WNK1: variants seen among roughly 807,000 people sequenced by gnomAD.
WNK1 encodes WNK lysine deficient protein kinase 1.
Under a neutral mutation model 222.8 loss-of-function variants are expected in WNK1, and 38 were observed. That is an observed-to-expected ratio of 0.17 (90% CI 0.13 to 0.22). The LOEUF (loss-of-function observed/expected upper bound fraction) is 0.22. WNK1 is among the 10% of genes least tolerant of loss of function. The pLI, the probability that WNK1 is intolerant of heterozygous loss-of-function variation, is 1.00. For synonymous variants in WNK1, 1,090 were observed against 1,092.9 expected, an observed-to-expected ratio of 1.00 and a Z score of 0.05; for missense variants, 2,348 against 2,918.4, an observed-to-expected ratio of 0.80 and a Z score of 4.50.
At chr12:898,058 C>A (rs966976571) in intron 25 of WNK1, among the ~76,000 whole-genome samples, 3 of 152,144 alleles carry the variant, frequency 2.0e-5, no homozygotes. Context: ...TGGGTAGATT[C>A]TTTGTTTTAA....
chr12:820,182 C>T (rs757485420), intron 2 of WNK1, among the ~76,000 whole-genome samples: 1 of 152,142 alleles, frequency 6.6e-6, no homozygotes, highest in Non-Finnish European at 1.5e-5. Flanking sequence ...ATATTGTCTT[C>T]TAATCCGTGA....
rs775050259 is a variant in WNK1 at position 884,688 on chromosome 12, C to G, written c.3884C>G (p.Ser1295Cys). The change falls in exon 19 of 28, where the codon TCT (serine) becomes TGT (cysteine). Residue 1295 changes from serine to cysteine, a missense_variant. By Grantham distance (112) the Ser-to-Cys change is moderately radical. Transcript: ENST00000315939. The surrounding 1 kb of genome is among the most constrained non-coding windows in gnomAD (Gnocchi z 5.6). ...STAQSPGMNL[S>C]HSASSLSLQQ... ...GCTCAGAGCCCTGGAATGAACTTGTCTCACTCTGCATCATCCCTTAGTCTA... is the reference window on the plus strand; with the variant it reads ...GCTCAGAGCCCTGGAATGAACTTGTGTCACTCTGCATCATCCCTTAGTCTA... 1.2e-6 allele frequency: 2 copies of G among 1,614,076 alleles called. No homozygotes were observed. Among genetic ancestry groups the G allele is most frequent in the Non-Finnish European group, 1.7e-6 (2 of 1,180,036 alleles).
At chr12:869,463 T>G (rs1362386369) in intron 8 of WNK1, among the ~76,000 whole-genome samples, 4 of 152,190 alleles carry the variant, frequency 2.6e-5, no homozygotes, top group African/African-American at 9.6e-5. Context: ...ATACAAATCT[T>G]AAGTATTACT....
chr12:804,441 CA>C (rs1946162784), intron 1 of WNK1, among the ~76,000 whole-genome samples: 2 of 150,404 alleles, frequency 1.3e-5, no homozygotes, highest in Admixed American at 6.6e-5. Context: ...GGCGCGATCT[CA>C]GCTCACTGCA....
chr12:898,576 A>G (rs1038958238), intron 25 of WNK1, among the ~76,000 whole-genome samples: 2 of 151,610 alleles, frequency 1.3e-5, no homozygotes, highest in African/African-American at 4.8e-5. Flanking sequence ...ATATATATTT[A>G]TTTATTTTAA....
chr12:866,812 G>A (rs180978648), intron 8 of WNK1, among the ~76,000 whole-genome samples: 1 of 152,284 alleles, frequency 6.6e-6, no homozygotes, highest in Non-Finnish European at 1.5e-5. Context: ...TAGAACACCA[G>A]GATGTCAGAA....
At chr12:835,724 TG>T (rs1239262705) in intron 4 of WNK1, among the ~76,000 whole-genome samples, 1 of 152,042 alleles carries the variant, frequency 6.6e-6, no homozygotes, top group African/African-American at 2.4e-5. Flanking sequence ...AGGCCAAGAC[TG>T]GGGGATCACT....
intron 26 of WNK1, chr12:904,641 T>G: frequency 3.8e-6 from 2 of 526,236 alleles, no homozygotes; most frequent in Non-Finnish European, 6.3e-6. Context: ...CATGCTTAAT[T>G]GAGAAATCAT....
Position 885,367 on chromosome 12 carries a change from C to A in WNK1, c.4563C>A (p.Thr1521=), listed in dbSNP as rs749432947. 3 of 1,613,724 alleles carry A rather than the reference C, an allele frequency of 1.9e-6. No homozygotes were observed. In the African/African-American group the frequency reaches 4.0e-5, roughly 22 times the overall value. Residue 1521 remains threonine (T), a synonymous_variant, in exon 19 of 28, where the codon ACC becomes ACA. Transcript: ENST00000315939. ...SSTSTPTLAE[T]VVVSAHSLDK... The stretch of plus-strand genomic sequence containing the variant: ...CTTCTACTCCTACTTTAGCTGAAAC[C>A]GTGGTAGTTAGCGCACACTCACTAG...
At chr12:902,381 C>T (rs1022923864) in intron 26 of WNK1, among the ~76,000 whole-genome samples, 1 of 151,988 alleles carries the variant, frequency 6.6e-6, no homozygotes, top group East Asian at 1.9e-4. Flanking sequence ...AATTATGTAC[C>T]ATTTTTTTCC....
chr12:771,049 G>A (rs1423949324), intron 1 of WNK1, among the ~76,000 whole-genome samples: 3 of 152,054 alleles, frequency 2.0e-5, no homozygotes, highest in Non-Finnish European at 4.4e-5. Context: ...CCAGGCTGGA[G>A]TGCAGTGGTG....
chr12:901,790 A>C (rs1955283015), intron 26 of WNK1: 1 of 322,770 alleles, frequency 3.1e-6, no homozygotes, highest in Non-Finnish European at 5.7e-6. Context: ...TTACCCTCAG[A>C]AGTTTGGGCC....
At chr12:871,209 T>C in intron 8 of WNK1, 56 bp from the exon 9 acceptor site, 1 of 1,509,454 alleles carries the variant, frequency 6.6e-7, no homozygotes, top group South Asian at 1.1e-5. Context: ...AAGCCTGACC[T>C]CTATACACTT....
chr12:908,037 A>AAG lies in WNK1; in HGVS notation c.6831+4_6831+5dup. The AAG allele has an allele frequency of 6.2e-7, 1 of 1,613,988 alleles. No individual in the cohort carries two copies. The highest frequency in any genetic ancestry group is 8.5e-7 in the Non-Finnish European group (1 of 1,180,002). Reference sequence around the variant, plus strand: ...GCAAAGGGCACATGAATTACGAGGTAAGTCTCTCTTTTGCCGCAGAGAATC... The same window carrying AAG: ...GCAAAGGGCACATGAATTACGAGGTAAGAGTCTCTCTTTTGCCGCAGAGAATC... On this transcript the variant is annotated splice_donor_region_variant and intron_variant, in intron 27 of 27. Coordinates refer to ENST00000315939, the MANE Select transcript of WNK1 (RefSeq NM_018979.4).
chr12:886,038 T>A lies in WNK1; in HGVS notation c.5234T>A (p.Val1745Glu). The change falls in exon 19 of 28, where the codon GTG becomes GAG. Residue 1745 changes from valine (V) to glutamate (E), a missense_variant. Val to Glu is a moderately radical substitution (Grantham distance 121). This residue lies in a region of WNK1 where 1,144 missense variants were observed against 1,273.6 expected (regional missense o/e 0.90). Transcript: ENST00000315939. Reference sequence around the variant, plus strand: ...CCAGTCAGCACTACTACATCAGGAGTGAAACCTGGAACTGCTCCCTCCAAG... The same window carrying A: ...CCAGTCAGCACTACTACATCAGGAGAGAAACCTGGAACTGCTCCCTCCAAG... ...STPVSTTTSGVKPGTAPSKPP... is the reference protein window; with the variant it reads ...STPVSTTTSGEKPGTAPSKPP... 1 of 1,600,908 alleles carries A rather than the reference T, an allele frequency of 6.2e-7. No individual in the cohort carries two copies. The highest frequency in any genetic ancestry group is 8.5e-7 in the Non-Finnish European group (1 of 1,176,062).
Position 827,324 on chromosome 12 carries a change from C to A in WNK1, c.1153+62C>A. On this transcript the variant is annotated intron_variant, in intron 3 of 27. Coordinates refer to ENST00000315939, the MANE Select transcript of WNK1 (RefSeq NM_018979.4). This position sits in a 1 kb window ranked among gnomAD's most constrained non-coding sequence, Gnocchi z 4.6. ...TCTCACATTCCTTTTATTTAGAATCCTGGCTCTGTCAGAGTTTTAAGTGAT... is the reference window on the plus strand; with the variant it reads ...TCTCACATTCCTTTTATTTAGAATCATGGCTCTGTCAGAGTTTTAAGTGAT... 1 of 1,440,704 alleles carries A rather than the reference C, an allele frequency of 6.9e-7. No individual in the cohort carries two copies. Among genetic ancestry groups the A allele is most frequent in the Non-Finnish European group, 9.8e-7 (1 of 1,023,032 alleles). 89.2% of individuals were successfully genotyped at this position (1,440,704 alleles called of 1,614,324 possible). A position where few individuals can be genotyped will look rare whatever the true frequency, so the allele number is the denominator to read the frequency against.
intron 10 of WNK1, 96 bp from the exon 11 acceptor site, chr12:879,477 T>TTGGG: frequency 6.4e-6 from 5 of 782,208 alleles, no homozygotes; most frequent in Non-Finnish European, 5.8e-6. Flanking sequence ...TTCCTTCTTT[T>TTGGG]TGGCTAATAC....
intron 8 of WNK1, chr12:868,541 C>A (rs760125099): frequency 1.2e-6 from 2 of 1,613,858 alleles, no homozygotes; most frequent in Non-Finnish European, 1.7e-6. Context: ...AGATGCTACA[C>A]GTTTGAAATT....
Position 808,276 on chromosome 12 carries a change from G to A in WNK1, c.760-5366G>A, listed in dbSNP as rs182927232. 1.9e-3 allele frequency among the ~76,000 whole-genome samples: 294 copies of A among 152,138 alleles called. 3 individuals carry two copies. The highest frequency in any genetic ancestry group is 7.0e-3 in the African/African-American group (290 of 41,526). On this transcript the variant is annotated intron_variant, in intron 1 of 27. Transcript: ENST00000315939. ...AGATACTGTAAGTCACTTAGTGAAAGTAGTTTGCCTTTTTTTTTCTTTTTT... is the reference window on the plus strand; with the variant it reads ...AGATACTGTAAGTCACTTAGTGAAAATAGTTTGCCTTTTTTTTTCTTTTTT...
Sources: gnomAD v4.1 joint callset for allele counts (sites outside exome capture counted in the v4.1 genomes callset) on GRCh38, gnomAD v4.1.1 for gene constraint, gnomAD v4.1.1 regional missense constraint, Gnocchi (gnomAD v3.1) non-coding constraint, MANE v1.5 for transcripts, NCBI Gene and HGNC (gene_info 2026-07-23, HGNC 2026-07-21) for gene names.